The following PTK2 variants were observed in gnomAD, a reference collection of about 807,000 sequenced individuals.
PTK2 encodes protein tyrosine kinase 2.
PTK2 carries 45 observed loss-of-function variants against 150.1 expected under a neutral mutation model. The ratio of observed to expected loss-of-function variants is 0.30; its 90% CI spans 0.24 to 0.38. The LOEUF is 0.38. PTK2 is among the 10% of genes least tolerant of loss of function. The probability of loss-of-function intolerance (pLI) is 1.00; values close to 1 mark genes in which losing one functional copy is unlikely to be tolerated. For synonymous variants in PTK2, 432 were observed against 449.2 expected (o/e 0.96, Z 0.48); for missense variants, 919 against 1,307.3 (o/e 0.70, Z 4.58).
chr8:140,788,737 TAAAGTTAAA>T (rs1482283252), intron 14 of PTK2, among the ~76,000 whole-genome samples: 1 of 152,158 alleles, frequency 6.6e-6, no homozygotes, highest in Non-Finnish European at 1.5e-5. Context: ...AGTGAGATGC[TAAAGTTAAA>T]AGGAAACTAT....
chr8:140,659,801 T>G (rs941802001), intron 31 of PTK2, 123 bp from the exon 36 acceptor site: 18 of 819,538 alleles, frequency 2.2e-5, no homozygotes, highest in Non-Finnish European at 3.4e-5. Context: ...GGAATCTTCC[T>G]GCCTCAGCCT....
intron 23 of PTK2, among the ~76,000 whole-genome samples, chr8:140,716,044 C>T (rs1374712301): frequency 1.3e-5 from 2 of 152,160 alleles, no homozygotes; most frequent in Non-Finnish European, 2.9e-5. Context: ...CTTTGCACTT[C>T]TGTGTACTAA....
chr8:140,658,809 T>A (rs1177793707), exon 32 of PTK2: 1 of 225,538 alleles, frequency 4.4e-6, no homozygotes, highest in African/African-American at 2.2e-5. Flanking sequence ...AAGACATGAG[T>A]TTTTAGTTGT....
chr8:140,965,177 A>C (rs2100184801), intron 1 of PTK2, among the ~76,000 whole-genome samples: 1 of 152,242 alleles, frequency 6.6e-6, no homozygotes, highest in South Asian at 2.1e-4. Flanking sequence ...AGCCAAGTCT[A>C]ACTCTCTAGT....
rs139031809 is a variant in PTK2, at chr8:140,886,954, A to G, written c.195+3589T>C. Among the ~76,000 whole-genome samples, 23 of 152,276 alleles carry G rather than the reference A, an allele frequency of 1.5e-4. No homozygotes were observed. In the East Asian group the frequency reaches 4.1e-3, roughly 27 times the overall value. On this transcript the variant is annotated intron_variant, in intron 3 of 31. Transcript: ENST00000522684. Reference sequence around the variant, plus strand: ...GATGACTGGTCTTATTCAACATTGTACAGCCTGGGTTTCTCTTGGCTGTTC... The same window carrying G: ...GATGACTGGTCTTATTCAACATTGTGCAGCCTGGGTTTCTCTTGGCTGTTC...
At chr8:140,787,723 G>A (rs569180907) in intron 14 of PTK2, among the ~76,000 whole-genome samples, 1 of 152,272 alleles carries the variant, frequency 6.6e-6, no homozygotes, top group South Asian at 2.1e-4. Flanking sequence ...TAACATAATG[G>A]GACATTTCCC....
At chr8:140,960,650 C>A (rs1569494718) in intron 1 of PTK2, among the ~76,000 whole-genome samples, 1 of 152,152 alleles carries the variant, frequency 6.6e-6, no homozygotes, top group Non-Finnish European at 1.5e-5. Context: ...TTGTTCATTG[C>A]CACATACAGA....
intron 2 of PTK2, among the ~76,000 whole-genome samples, chr8:140,906,015 AC>A (rs1034078181): frequency 2.0e-5 from 3 of 151,990 alleles, no homozygotes; most frequent in Admixed American, 2.0e-4. Flanking sequence ...AAAAAAAAAA[AC>A]CTCAAAAGGA....
intron 22 of PTK2, among the ~76,000 whole-genome samples, chr8:140,727,170 T>C (rs560505054): frequency 1.3e-5 from 2 of 152,278 alleles, no homozygotes; most frequent in South Asian, 2.1e-4. Context: ...AAGTGCCAAA[T>C]TGTGCACTTT....
At chr8:140,851,010 T>C (rs564130208) in intron 5 of PTK2, among the ~76,000 whole-genome samples, 4 of 152,318 alleles carry the variant, frequency 2.6e-5, no homozygotes, top group African/African-American at 9.6e-5. Flanking sequence ...AATTTATCAG[T>C]TGGACTCAAA....
Position 140,927,168 on chromosome 8 carries a change from G to C in PTK2, c.-121-1419C>G, listed in dbSNP as rs151271404. ...CAGAGTTTTTTTTATTGCTTATACTGACCATAATAATGCAAACATCAAAAG... is the reference window on the plus strand; with the variant it reads ...CAGAGTTTTTTTTATTGCTTATACTCACCATAATAATGCAAACATCAAAAG... On this transcript the variant is annotated intron_variant, in intron 1 of 31. Transcript: ENST00000522684. Among the ~76,000 whole-genome samples the C allele has an allele frequency of 2.5e-4, 38 of 152,196 alleles. 1 individual carries two copies. The East Asian group carries it at 7.3e-3, about 29-fold the overall frequency.
At chr8:140,873,871 T>C (rs550061124) in intron 4 of PTK2, among the ~76,000 whole-genome samples, 2 of 152,356 alleles carry the variant, frequency 1.3e-5, no homozygotes, top group Admixed American at 6.5e-5. Context: ...TTTCAAAATA[T>C]ATCTTTTGCG....
intron 14 of PTK2, chr8:140,765,226 T>C (rs2100071667): frequency 6.6e-6 from 1 of 152,198 alleles, no homozygotes; most frequent in Non-Finnish European, 1.5e-5. Context: ...TCCAAGGAGC[T>C]CTATTTTGAT....
chr8:140,900,772 G>C (rs1248005258), intron 2 of PTK2, among the ~76,000 whole-genome samples: 1 of 151,716 alleles, frequency 6.6e-6, no homozygotes, highest in Non-Finnish European at 1.5e-5. Context: ...TACACAAGTT[G>C]AAAAATATTT....
intron 5 of PTK2, among the ~76,000 whole-genome samples, chr8:140,855,283 AT>A (rs2100131818): frequency 2.0e-5 from 3 of 151,220 alleles, no homozygotes; most frequent in Admixed American, 1.3e-4. Flanking sequence ...CCCTCTGCCC[AT>A]TTTCTAGACT....
chr8:140,822,817 A>G (rs966981792), intron 8 of PTK2, among the ~76,000 whole-genome samples: 1 of 152,242 alleles, frequency 6.6e-6, no homozygotes, highest in Non-Finnish European at 1.5e-5. Context: ...ATGAATAATT[A>G]CATGTCTCTG....
At chr8:140,776,113 C>T (rs752586651) in intron 14 of PTK2, among the ~76,000 whole-genome samples, 4 of 152,198 alleles carry the variant, frequency 2.6e-5, no homozygotes, top group East Asian at 1.9e-4. Context: ...AAGTGATTCT[C>T]GTGCCTAAGC....
intron 29 of PTK2, among the ~76,000 whole-genome samples, chr8:140,672,646 C>T (rs2100011262): frequency 1.3e-5 from 2 of 152,226 alleles, no homozygotes; most frequent in Non-Finnish European, 2.9e-5. Flanking sequence ...CCTCTGGTCA[C>T]CTCCTCAATG....
In PTK2 at chr8:140,820,076, G is replaced by GTTTTTTTTTTTTTTTTTTTTTTTT. The variant is rs370537018; in HGVS notation, c.649-1080_649-1057dup. Reference sequence around the variant, plus strand: ...AGAGGAGTGACTTTATCTGACTTTGGTTTTTTTTTTTTTTTTTTTTTTTTT... The same window carrying GTTTTTTTTTTTTTTTTTTTTTTTT: ...AGAGGAGTGACTTTATCTGACTTTGGTTTTTTTTTTTTTTTTTTTTTTTTTTTTTTTTTTTTTTTTTTTTTTTTT... On this transcript the variant is annotated intron_variant, in intron 8 of 31. Coordinates refer to ENST00000522684, the Ensembl canonical transcript of PTK2. Among the ~76,000 whole-genome samples the GTTTTTTTTTTTTTTTTTTTTTTTT allele has an allele frequency of 6.0e-5, 3 of 50,254 alleles. 1 individual carries two copies. Among genetic ancestry groups the GTTTTTTTTTTTTTTTTTTTTTTTT allele is most frequent in the Non-Finnish European group, 1.3e-4 (3 of 23,966 alleles). The allele number at this position is 50,254 out of a possible 152,430, so 33.0% of individuals were successfully genotyped here. A position where few individuals can be genotyped will look rare whatever the true frequency, so the allele number is the denominator to read the frequency against.
Sources: allele counts gnomAD v4.1 joint callset (sites outside exome capture counted in the v4.1 genomes callset), GRCh38; gene constraint gnomAD v4.1.1; transcripts MANE v1.5; gene names NCBI Gene and HGNC (gene_info 2026-07-23, HGNC 2026-07-21).